The following NREP variants were observed in gnomAD, a reference collection of about 807,000 sequenced individuals.
NREP encodes the protein neuronal regeneration related protein.
A neutral mutation model predicts 8.6 loss-of-function variants in NREP; 5 were observed. The ratio of observed to expected loss-of-function variants is 0.58; its 90% CI spans 0.30 to 1.22. The LOEUF is 1.22. Ranked by LOEUF, NREP falls within the 50% of genes most tolerant of loss-of-function variation. The pLI, the probability that NREP is intolerant of heterozygous loss-of-function variation, is 0.07. For synonymous variants in NREP, 27 were observed against 28.0 expected, an observed-to-expected ratio of 0.96 and a Z score of 0.11; for missense variants, 86 against 82.5, an observed-to-expected ratio of 1.04 and a Z score of -0.17.
At chr5:111,935,243 T>C (rs1404907127) in intron 2 of NREP, among the ~76,000 whole-genome samples, 2 of 152,058 alleles carry the variant, frequency 1.3e-5, no homozygotes, top group African/African-American at 2.4e-5. Context: ...TTGCAGCCAA[T>C]TGATGAGCAC....
chr5:111,918,949 A>C (rs1466023478), intron 2 of NREP, among the ~76,000 whole-genome samples: 2 of 152,208 alleles, frequency 1.3e-5, no homozygotes, highest in African/African-American at 4.8e-5. Context: ...CAGGCAACCT[A>C]AAGAATGGAA....
At chr5:111,784,327 T>G (rs1190160385) in intron 2 of NREP, among the ~76,000 whole-genome samples, 1 of 151,248 alleles carries the variant, frequency 6.6e-6, no homozygotes, top group East Asian at 2.0e-4. Flanking sequence ...AAGCTGGGAA[T>G]GTAGTCCTAA....
At chr5:111,919,469 A>G (rs34942854) in intron 2 of NREP, among the ~76,000 whole-genome samples, 60,826 of 152,014 alleles carry the variant, frequency 0.4, 14,603 homozygotes, top group Non-Finnish European at 0.55. Context: ...ACTTGGAATC[A>G]ACCCAAATGC....
At chr5:111,826,170 T>C (rs115050891) in intron 2 of NREP, among the ~76,000 whole-genome samples, 3,486 of 152,214 alleles carry the variant, frequency 0.023, 51 homozygotes, top group Non-Finnish European at 0.027. Flanking sequence ...CACCAATCAG[T>C]GCTTTGTGTC....
intron 2 of NREP, among the ~76,000 whole-genome samples, chr5:111,797,342 A>T (rs1191937293): frequency 6.6e-6 from 1 of 152,168 alleles, no homozygotes; most frequent in African/African-American, 2.4e-5. Context: ...CTCCAAAATT[A>T]TGATGGAGGA....
chr5:111,949,024 C>T (rs995889633), intron 2 of NREP: 2 of 152,028 alleles, frequency 1.3e-5, no homozygotes, highest in East Asian at 3.9e-4. Context: ...AAACTAAAGT[C>T]ATAGTAAAGT....
intron 2 of NREP, among the ~76,000 whole-genome samples, chr5:111,744,851 G>T (rs1441624365): frequency 1.3e-5 from 2 of 152,130 alleles, no homozygotes; most frequent in East Asian, 3.9e-4. Flanking sequence ...GGAAACTCAG[G>T]CTTTCATTCC....
intron 2 of NREP, among the ~76,000 whole-genome samples, chr5:111,755,133 C>T (rs1234715288): frequency 1.3e-5 from 2 of 152,056 alleles, no homozygotes; most frequent in Non-Finnish European, 2.9e-5. Flanking sequence ...AGTAATCAAA[C>T]ATTAAACTGC....
At chr5:111,915,588 A>G (rs1755034092) in intron 2 of NREP, among the ~76,000 whole-genome samples, 1 of 152,092 alleles carries the variant, frequency 6.6e-6, no homozygotes, top group African/African-American at 2.4e-5. Flanking sequence ...AGGAAATATG[A>G]CACATTAACC....
intron 2 of NREP, among the ~76,000 whole-genome samples, chr5:111,830,225 T>G (rs114891672): frequency 0.019 from 2,963 of 152,318 alleles, 47 homozygotes; most frequent in Non-Finnish European, 0.027. Context: ...CCCAAAAGAA[T>G]TCTTCTAATG....
chr5:111,849,271 CAG>C (rs1753253364), intron 2 of NREP, among the ~76,000 whole-genome samples: 2 of 152,028 alleles, frequency 1.3e-5, no homozygotes, highest in Non-Finnish European at 1.5e-5. Flanking sequence ...GAAGAGGGAA[CAG>C]GGGATGCAAA....
chr5:111,900,410 A>G (rs1446248799), intron 2 of NREP, among the ~76,000 whole-genome samples: 3 of 152,040 alleles, frequency 2.0e-5, no homozygotes, highest in African/African-American at 7.2e-5. Flanking sequence ...AAGAGAAATA[A>G]TAAAGATCAA....
At chr5:111,897,188 G>A (rs555512157) in intron 2 of NREP, among the ~76,000 whole-genome samples, 1 of 152,104 alleles carries the variant, frequency 6.6e-6, no homozygotes, top group East Asian at 1.9e-4. Flanking sequence ...ACAACATAGG[G>A]AAGGCAGATA....
At chr5:111,789,227 G>A (rs1751683963) in intron 2 of NREP, among the ~76,000 whole-genome samples, 2 of 152,128 alleles carry the variant, frequency 1.3e-5, no homozygotes, top group Admixed American at 6.6e-5. Flanking sequence ...CTCTAGGGAA[G>A]CATCATACAC....
At chr5:111,882,684 T>C (rs1240248122) in intron 2 of NREP, among the ~76,000 whole-genome samples, 2 of 151,744 alleles carry the variant, frequency 1.3e-5, no homozygotes, top group East Asian at 3.9e-4. Context: ...TTCAACATTC[T>C]TAAAAGAATT....
intron 2 of NREP, among the ~76,000 whole-genome samples, chr5:111,817,241 C>T (rs1166357018): frequency 1.3e-5 from 2 of 152,092 alleles, no homozygotes; most frequent in East Asian, 3.9e-4. Context: ...TTACTTATTC[C>T]TTCACAACTC....
At chr5:111,927,840 T>C (rs1230064004) in intron 2 of NREP, among the ~76,000 whole-genome samples, 1 of 152,216 alleles carries the variant, frequency 6.6e-6, no homozygotes, top group East Asian at 1.9e-4. Flanking sequence ...CAGATCCTAC[T>C]GTAACTTGTG....
In NREP at chr5:111,755,812, T is replaced by G; in HGVS notation, c.-40A>C. ...TCTTGGGCTTCTATTCTCCCTCTCT[T>G]CAGTCCAGGGAGACCAACCTGCAAA... is the stretch of plus-strand genomic sequence containing the variant. On this transcript the variant is annotated 5_prime_UTR_variant, in exon 2 of 4. Transcript: ENST00000257435. 2 of 1,613,862 alleles carry G rather than the reference T, an allele frequency of 1.2e-6. No homozygotes were observed. The highest frequency in any genetic ancestry group is 1.7e-6 in the Non-Finnish European group (2 of 1,179,826).
chr5:111,729,516 G>A lies in NREP; in HGVS notation c.*1405C>T, dbSNP rs1240217624. 6.6e-6 allele frequency: 1 copy of A among 152,634 alleles called. No individual in the cohort carries two copies. The highest frequency in any genetic ancestry group is 1.5e-5 in the Non-Finnish European group (1 of 68,060). The allele number at this position is 152,634 out of a possible 1,614,324, so 9.5% of individuals were successfully genotyped here. A position where few individuals can be genotyped will look rare whatever the true frequency, so the allele number is the denominator to read the frequency against. ...CTGATATACCTATTCTAACGAAGGA[G>A]GGAGAGGAGTAATGCACAAGAAACT... is the stretch of plus-strand genomic sequence containing the variant. On this transcript the variant is annotated 3_prime_UTR_variant, in exon 4 of 4. Coordinates refer to ENST00000257435, the MANE Select transcript of NREP (RefSeq NM_004772.4).
Sources: allele counts gnomAD v4.1 joint callset (sites outside exome capture counted in the v4.1 genomes callset), GRCh38; gene constraint gnomAD v4.1.1; transcripts MANE v1.5; gene names NCBI Gene and HGNC (gene_info 2026-07-23, HGNC 2026-07-21).